Variants in TNFRSF10D observed in about 807,000 individuals in gnomAD.
The protein encoded by TNFRSF10D is tumor necrosis factor receptor superfamily member 10D.
A neutral mutation model predicts 42.1 loss-of-function variants in TNFRSF10D; 28 were observed. The ratio of observed to expected loss-of-function variants is 0.66; its 90% confidence interval spans 0.49 to 0.91. TNFRSF10D has a LOEUF of 0.91. Ranked by LOEUF, TNFRSF10D falls within the 40% of genes least tolerant of loss-of-function variation. The pLI, the probability that TNFRSF10D is intolerant of heterozygous loss-of-function variation, is 0.00. For missense variants in TNFRSF10D, 503 were observed against 486.1 expected, an observed-to-expected ratio of 1.03 and a Z score of -0.33; for synonymous variants, 186 against 189.4, an observed-to-expected ratio of 0.98 and a Z score of 0.15.
intron 1 of TNFRSF10D, among the ~76,000 whole-genome samples, chr8:23,161,634 A>G (rs1480487217): frequency 6.7e-6 from 1 of 150,300 alleles, no homozygotes; most frequent in Admixed American, 6.6e-5. Context: ...TCCCACTACC[A>G]AAACTCCCGT....
rs117311267 is a variant in TNFRSF10D at position 23,158,130 on chromosome 8, T to C, written c.151-3151A>G. Among the ~76,000 whole-genome samples the C allele has an allele frequency of 2.5e-3, 374 of 151,964 alleles. 1 individual carries two copies. Among genetic ancestry groups the C allele is most frequent in the East Asian group, 0.02 (102 of 5,076 alleles). On this transcript the variant is annotated intron_variant, in intron 1 of 8. Transcript: ENST00000312584. ...ATCTTTCAAGTTGTACTTTCCTTCT[T>C]TTCTTTCCGTTCCTTCCTTTCCTTC...
Position 23,163,969 on chromosome 8 carries a change from A to C in TNFRSF10D, c.-34T>G. 1.3e-6 allele frequency: 2 copies of C among 1,526,512 alleles called. No individual in the cohort carries two copies. Among genetic ancestry groups the C allele is most frequent in the South Asian group, 2.5e-5 (2 of 80,414 alleles). The allele number at this position is 1,526,512 out of a possible 1,614,324, so 94.6% of individuals were successfully genotyped here. On this transcript the variant is annotated 5_prime_UTR_variant, in exon 1 of 9. The change creates a new upstream start codon in the 5' untranslated region. Transcript: ENST00000312584. ...AGGAGGGTGGATCGAAAGCGCCAAA[A>C]ATCAATCAGAAATCGTCCCCGTAGT...
chr8:23,160,192 A>G (rs114894364), intron 1 of TNFRSF10D, among the ~76,000 whole-genome samples: 539 of 151,710 alleles, frequency 3.6e-3, no homozygotes, highest in African/African-American at 0.011. Context: ...CATGGGGTTC[A>G]TCTGTCCTCC....
chr8:23,144,896 A>G (rs995556530), intron 6 of TNFRSF10D, among the ~76,000 whole-genome samples, 162 bp downstream of exon 6: 3 of 152,118 alleles, frequency 2.0e-5, no homozygotes, highest in Non-Finnish European at 4.4e-5. Context: ...GTGCTGCTCA[A>G]AATGGCCGTG....
intron 7 of TNFRSF10D, among the ~76,000 whole-genome samples, chr8:23,143,597 A>G (rs537509657): frequency 7.2e-4 from 110 of 152,270 alleles, no homozygotes; most frequent in Admixed American, 1.8e-3. Context: ...AAGGAAGAAA[A>G]TGGGTGGAAA....
chr8:23,145,663 C>G lies in TNFRSF10D; in HGVS notation c.736+5G>C. On this transcript the variant is annotated splice_donor_5th_base_variant and intron_variant, in intron 5 of 8. Transcript: ENST00000312584. ...CCAGCGCTCCCACCCTCAGCCAGCA[C>G]CTACCTGAGCAGATGCCTTTGAGGT... The G allele has an allele frequency of 2.5e-6, 4 of 1,613,930 alleles. No individual in the cohort carries two copies. The highest frequency in any genetic ancestry group is 3.4e-6 in the Non-Finnish European group (4 of 1,180,030).
In TNFRSF10D at chr8:23,163,950, G is replaced by A. The variant is rs184828106; in HGVS notation, c.-15C>T. On this transcript the variant is annotated 5_prime_UTR_variant, in exon 1 of 9. Transcript: ENST00000312584. ...CAAAGTCCCATGAGAAGGGAGGAGG[G>A]TGGATCGAAAGCGCCAAAAATCAAT... 65 of 1,541,070 alleles carry A rather than the reference G, an allele frequency of 4.2e-5. No homozygotes were observed. In the East Asian group the frequency reaches 1.6e-3, roughly 37 times the overall value.
intron 2 of TNFRSF10D, among the ~76,000 whole-genome samples, chr8:23,150,177 G>A (rs1012309451): frequency 4.6e-5 from 7 of 150,870 alleles, no homozygotes; most frequent in Non-Finnish European, 1.0e-4. Flanking sequence ...CTAGTGCCAG[G>A]TCAGTCCCCA....
intron 2 of TNFRSF10D, among the ~76,000 whole-genome samples, chr8:23,153,831 A>T (rs1252509297): frequency 6.6e-6 from 1 of 152,192 alleles, no homozygotes; most frequent in Non-Finnish European, 1.5e-5. Flanking sequence ...AAAAAACAAA[A>T]CATAGAATAA....
rs1800113649 is a variant in TNFRSF10D, at chr8:23,145,921, C to G, written c.483G>C (p.Gly161=). 6.2e-7 allele frequency: 1 copy of G among 1,613,960 alleles called. No homozygotes were observed. Among genetic ancestry groups the G allele is most frequent in the Non-Finnish European group, 8.5e-7 (1 of 1,180,028 alleles). The stretch of plus-strand genomic sequence containing the variant: ...TGACCTTGACCATCCCTCTGGGACA[C>G]CTGGGTACACACAGAGAGGGAGACA... The part of the protein sequence containing the change: ...SPEMCRTCRT[G]CPRGMVKVSN... The change falls in exon 5 of 9, where the codon GGG becomes GGC. Residue 161 remains glycine, a splice_region_variant and synonymous_variant. Transcript: ENST00000312584.
chr8:23,153,545 C>T (rs760234558), intron 2 of TNFRSF10D, among the ~76,000 whole-genome samples: 640 of 151,892 alleles, frequency 4.2e-3, no homozygotes, highest in African/African-American at 0.015. Context: ...CCAATTAAAA[C>T]GGACGCATGG....
chr8:23,143,228 G>A (rs1783941739), intron 7 of TNFRSF10D, among the ~76,000 whole-genome samples: 4 of 150,288 alleles, frequency 2.7e-5, no homozygotes, highest in African/African-American at 7.5e-5. Flanking sequence ...CACCCTCCTC[G>A]GCCTCCCAAA....
At chr8:23,152,360 C>T (rs757022145) in intron 2 of TNFRSF10D, among the ~76,000 whole-genome samples, 1 of 152,136 alleles carries the variant, frequency 6.6e-6, no homozygotes, top group Non-Finnish European at 1.5e-5. Context: ...TGGGACTACA[C>T]CTTTATAAAG....
intron 3 of TNFRSF10D, among the ~76,000 whole-genome samples, chr8:23,148,134 G>C (rs1309029487): frequency 6.7e-6 from 1 of 148,520 alleles, no homozygotes; most frequent in Non-Finnish European, 1.5e-5. Flanking sequence ...CAGCTACTTA[G>C]GAGGCTGAGG....
At chr8:23,151,352 A>G (rs986227934) in intron 2 of TNFRSF10D, among the ~76,000 whole-genome samples, 1 of 152,180 alleles carries the variant, frequency 6.6e-6, no homozygotes. Flanking sequence ...GACAAAGAAA[A>G]AAAAAAACGG....
intron 4 of TNFRSF10D, 64 bp downstream of exon 4, chr8:23,146,897 A>G: frequency 7.5e-7 from 1 of 1,328,262 alleles, no homozygotes; most frequent in East Asian, 2.3e-5. Context: ...AGATAGAGGT[A>G]CCAGGTGAAT....
chr8:23,139,378 G>A (rs963209435), intron 7 of TNFRSF10D, among the ~76,000 whole-genome samples: 1 of 152,032 alleles, frequency 6.6e-6, no homozygotes, highest in Non-Finnish European at 1.5e-5. Context: ...TTGATAAAAC[G>A]GCAACTGAGG....
intron 7 of TNFRSF10D, among the ~76,000 whole-genome samples, chr8:23,140,288 C>CA: frequency 6.7e-6 from 1 of 149,266 alleles, no homozygotes; most frequent in African/African-American, 2.5e-5. Flanking sequence ...GACTCTGTCT[C>CA]AAAAAGAAAA....
intron 6 of TNFRSF10D, 123 bp downstream of exon 6, chr8:23,144,934 CA>C: frequency 7.0e-7 from 1 of 1,426,972 alleles, no homozygotes. Flanking sequence ...CCAGATCCCC[CA>C]GGCCATGTCA....
Sources: gnomAD v4.1 joint callset for allele counts (sites outside exome capture counted in the v4.1 genomes callset) on GRCh38, gnomAD v4.1.1 for gene constraint, MANE v1.5 for transcripts, NCBI Gene and HGNC (gene_info 2026-07-23, HGNC 2026-07-21) for gene names.